The following EP400 variants were observed in gnomAD, a reference collection of about 807,000 sequenced individuals.
The protein encoded by EP400 is E1A binding protein p400, also known as E1A-binding protein p400.
In EP400, 105 loss-of-function variants were observed where a neutral mutation model predicts 354.1. The ratio of observed to expected loss-of-function variants is 0.30; its 90% CI spans 0.25 to 0.35. The LOEUF (loss-of-function observed/expected upper bound fraction) is 0.35. EP400 is among the 10% of genes least tolerant of loss of function. EP400 has a pLI of 1.00. For synonymous variants in EP400, 1,646 were observed against 1,716.9 expected (o/e 0.96, Z 1.02); for missense variants, 3,280 against 4,121.0 (o/e 0.80, Z 5.59).
intron 45 of EP400, among the ~76,000 whole-genome samples, chr12:132,056,425 GCACACA>G (rs10660680): frequency 1.3e-5 from 2 of 148,518 alleles, no homozygotes; most frequent in African/African-American, 2.5e-5. Context: ...CACAACACAC[GCACACA>G]CACACACACA....
intron 39 of EP400, among the ~76,000 whole-genome samples, chr12:132,048,110 C>G (rs951519947): frequency 6.6e-6 from 1 of 152,112 alleles, no homozygotes; most frequent in Non-Finnish European, 1.5e-5. Context: ...TCATATTGTT[C>G]AAACACACAT....
chr12:131,994,997 A>T lies in EP400; in HGVS notation c.2827+41A>T. On this transcript the variant is annotated intron_variant, in intron 12 of 52. Transcript: ENST00000389561. This position sits in a 1 kb window ranked among gnomAD's most constrained non-coding sequence, Gnocchi z 4.6. ...CTTATTAAACATTCAGTAAGTAAAA[A>T]GAAACATTTAAAACATGTGAGATGT... 2 of 1,559,080 alleles carry T rather than the reference A, an allele frequency of 1.3e-6. No individual in the cohort carries two copies. Among genetic ancestry groups the T allele is most frequent in the Non-Finnish European group, 1.8e-6 (2 of 1,131,824 alleles).
intron 38 of EP400, 41 bp downstream of exon 38, chr12:132,045,601 C>T (rs776942974): frequency 1.9e-6 from 3 of 1,609,434 alleles, no homozygotes; most frequent in Non-Finnish European, 2.5e-6. Context: ...CATGTGCGGT[C>T]ATTTTTCTAA....
chr12:131,980,862 A>G (rs1892658380), intron 3 of EP400, among the ~76,000 whole-genome samples: 1 of 152,176 alleles, frequency 6.6e-6, no homozygotes, highest in Non-Finnish European at 1.5e-5. Context: ...GTCTGTCAAT[A>G]TATCTAAAGG....
At chr12:132,047,010 C>CT (rs1353190887) in intron 39 of EP400, among the ~76,000 whole-genome samples, 1 of 152,222 alleles carries the variant, frequency 6.6e-6, no homozygotes, top group African/African-American at 2.4e-5. Flanking sequence ...GCATCCAGTA[C>CT]TTTTATTGTA....
intron 2 of EP400, among the ~76,000 whole-genome samples, chr12:131,970,515 G>A (rs554091359): frequency 1.4e-4 from 22 of 151,844 alleles, no homozygotes; most frequent in Admixed American, 2.6e-4. Flanking sequence ...TCGCAGCATT[G>A]TTTTTGGCAG....
chr12:131,988,286 T>C (rs902442820), intron 7 of EP400, among the ~76,000 whole-genome samples: 1 of 152,216 alleles, frequency 6.6e-6, no homozygotes, highest in Non-Finnish European at 1.5e-5. Flanking sequence ...GAGCCCAGCA[T>C]GCGTTGTTGG....
At chr12:131,978,952 C>A (rs1892579414) in intron 2 of EP400, among the ~76,000 whole-genome samples, 1 of 152,092 alleles carries the variant, frequency 6.6e-6, no homozygotes, top group Non-Finnish European at 1.5e-5. Context: ...TGCGGTGGCT[C>A]ACACCTGTAA....
chr12:132,013,598 C>G lies in EP400; in HGVS notation c.3720C>G (p.Ser1240=), dbSNP rs1374112447. Residue 1240 remains serine, a synonymous_variant, in exon 18 of 53, where the codon TCC becomes TCG. Coordinates refer to ENST00000389561, the MANE Select transcript of EP400 (RefSeq NM_015409.5). The surrounding 1 kb of genome is among the most constrained non-coding windows in gnomAD (Gnocchi z 4.5). ...VPGISRPYLS[S]PLRAPSEESQ... ...GGATCTCCAGGCCCTACCTGAGCTC[C>G]CCTCTGAGGGCCCCCAGTGAAGAGA... 1.2e-6 allele frequency: 2 copies of G among 1,613,906 alleles called. No individual in the cohort carries two copies. Among genetic ancestry groups the G allele is most frequent in the African/African-American group, 2.7e-5 (2 of 74,938 alleles).
At position 132,052,876 on chromosome 12, in the gene EP400, C is replaced by CG. The variant is rs1895349119; in HGVS notation, c.7395-270_7395-269insG. On this transcript the variant is annotated intron_variant, in intron 41 of 52. Coordinates refer to ENST00000389561, the MANE Select transcript of EP400 (RefSeq NM_015409.5). This position sits in a 1 kb window ranked among gnomAD's most constrained non-coding sequence, Gnocchi z 4.4. ...ATGAGGTGGGCTGTGCGTTTGGGGGCTGCCACAAGTACGCTGGGGACGTGT... is the reference window on the plus strand; with the variant it reads ...ATGAGGTGGGCTGTGCGTTTGGGGGCGTGCCACAAGTACGCTGGGGACGTGT... Among the ~76,000 whole-genome samples the CG allele has an allele frequency of 6.6e-6, 1 of 152,130 alleles. No homozygotes were observed. The highest frequency in any genetic ancestry group is 1.5e-5 in the Non-Finnish European group (1 of 68,020).
At chr12:131,992,032 C>T in intron 10 of EP400, 141 bp from the exon 11 acceptor site, 3 of 817,390 alleles carry the variant, frequency 3.7e-6, no homozygotes, top group Non-Finnish European at 6.2e-6. Context: ...CTGCCCTGCC[C>T]CGACCCCAAA....
Position 132,029,524 on chromosome 12 carries a change from C to A in EP400, c.5382-177C>A. ...GTTATTGGCCAGGACTGGTTAGGAT[C>A]TGCCTCGTTGGGCCCCTGCCCGTGT... On this transcript the variant is annotated intron_variant, in intron 27 of 52. Transcript: ENST00000389561. The surrounding 1 kb of genome is among the most constrained non-coding windows in gnomAD (Gnocchi z 4.7). 1 of 655,908 alleles carries A rather than the reference C, an allele frequency of 1.5e-6. No individual in the cohort carries two copies. The highest frequency in any genetic ancestry group is 2.6e-6 in the Non-Finnish European group (1 of 383,462). The allele number at this position is 655,908 out of a possible 1,614,324, so 40.6% of individuals were successfully genotyped here. A position where few individuals can be genotyped will look rare whatever the true frequency, so the allele number is the denominator to read the frequency against.
At chr12:132,055,289 CT>C in intron 45 of EP400, 81 bp downstream of exon 45, 1 of 1,146,930 alleles carries the variant, frequency 8.7e-7, no homozygotes, top group Non-Finnish European at 1.2e-6. Flanking sequence ...TCTTCTTCTT[CT>C]TTTTAAGTAT....
Position 132,018,276 on chromosome 12 carries a change from T to A in EP400, c.4177T>A (p.Leu1393Met). Residue 1393 changes from leucine (L) to methionine (M), a missense_variant, in exon 21 of 53, where the codon TTG (leucine) becomes ATG (methionine). This residue lies in a region of EP400 where 342 missense variants were observed against 342.7 expected (regional missense o/e 1.00). Transcript: ENST00000389561. The surrounding 1 kb of genome is among the most constrained non-coding windows in gnomAD (Gnocchi z 4.0). ...ENKITRHEAE[L>M]LSKKKIPRKL... ...TAAAATCACTCGTCACGAGGCAGAG[T>A]TGCTGTCTAAGAAAAAGATACCGCG... The A allele has an allele frequency of 6.2e-7, 1 of 1,613,568 alleles. No homozygotes were observed. The highest frequency in any genetic ancestry group is 1.1e-5 in the South Asian group (1 of 91,024).
chr12:132,046,432 C>T (rs973177840), intron 39 of EP400, among the ~76,000 whole-genome samples: 2 of 152,132 alleles, frequency 1.3e-5, no homozygotes, highest in Admixed American at 6.5e-5. Context: ...TTGATCGTGG[C>T]GTACTTAAAG....
At chr12:131,954,350 A>T (rs942894597) in intron 1 of EP400, among the ~76,000 whole-genome samples, 2 of 150,866 alleles carry the variant, frequency 1.3e-5, no homozygotes, top group African/African-American at 2.4e-5. Context: ...ACTTTGGGAG[A>T]TTAAGGCAGG....
At chr12:131,952,302 C>CAAAAAA (rs927214848) in intron 1 of EP400, among the ~76,000 whole-genome samples, 144 of 45,848 alleles carry the variant, frequency 3.1e-3, no homozygotes, top group Non-Finnish European at 4.6e-3. Context: ...GACTCTGTCT[C>CAAAAAA]AAAAAAAAAA....
At chr12:131,997,575 A>G (rs1270197160) in intron 12 of EP400, among the ~76,000 whole-genome samples, 1 of 152,176 alleles carries the variant, frequency 6.6e-6, no homozygotes, top group Non-Finnish European at 1.5e-5. Context: ...TGTTATGTGT[A>G]TTTAATATTA....
chr12:131,986,938 C>A, intron 6 of EP400, 131 bp downstream of exon 6: 3 of 1,154,652 alleles, frequency 2.6e-6, no homozygotes, highest in Non-Finnish European at 3.6e-6. Context: ...TCAGTAGACA[C>A]AAGATGAAAA....
Sources: gnomAD v4.1 joint callset for allele counts (sites outside exome capture counted in the v4.1 genomes callset) on GRCh38, gnomAD v4.1.1 for gene constraint, gnomAD v4.1.1 regional missense constraint, Gnocchi (gnomAD v3.1) non-coding constraint, MANE v1.5 for transcripts, NCBI Gene and HGNC (gene_info 2026-07-23, HGNC 2026-07-21) for gene names.